Variants in ESRRG observed in about 807,000 individuals in gnomAD.
ESRRG encodes the protein estrogen-related receptor gamma.
ESRRG carries 13 observed loss-of-function variants against 44.0 expected under a neutral mutation model. That is an observed-to-expected ratio of 0.30 (90% confidence interval 0.19 to 0.47). The LOEUF (loss-of-function observed/expected upper bound fraction) is 0.47, where lower values mean the gene tolerates loss of function less well. ESRRG is among the 20% of genes least tolerant of loss of function. ESRRG has a pLI of 1.00. For missense variants in ESRRG, 395 were observed against 580.6 expected (o/e 0.68, Z 3.29); for synonymous variants, 215 against 214.6 (o/e 1.00, Z -0.02).
rs919703833 is a variant in ESRRG, at chr1:216,861,924, T to C, written c.-14+77658A>G. ...TTCAACAAGGAAGATATATGAATGA[T>C]AAATGAGCACATGAAAGATGCTCAA... On this transcript the variant is annotated intron_variant, in intron 2 of 7. Coordinates refer to the ESRRG transcript ENST00000359162. Among the ~76,000 whole-genome samples the C allele has an allele frequency of 6.6e-5, 10 of 152,164 alleles. 1 individual carries two copies. Among genetic ancestry groups the C allele is most frequent in the South Asian group, 6.2e-4 (3 of 4,838 alleles).
intron 3 of ESRRG, among the ~76,000 whole-genome samples, chr1:216,623,816 C>T (rs557295889): frequency 2.0e-5 from 3 of 151,992 alleles, no homozygotes; most frequent in Admixed American, 6.6e-5. Context: ...AAGGAAAATG[C>T]CCATGTGTGT....
At chr1:216,809,759 A>T (rs2094911346) in intron 2 of ESRRG, among the ~76,000 whole-genome samples, 1 of 152,092 alleles carries the variant, frequency 6.6e-6, no homozygotes, top group Non-Finnish European at 1.5e-5. Flanking sequence ...CTTACTGCAG[A>T]CGTAAGGGTA....
intron 2 of ESRRG, among the ~76,000 whole-genome samples, chr1:216,818,100 C>T (rs190690092): frequency 6.9e-4 from 105 of 152,146 alleles, no homozygotes; most frequent in Non-Finnish European, 1.2e-3. Flanking sequence ...TCAAATGAAA[C>T]AATAGCATTT....
intron 1 of ESRRG, among the ~76,000 whole-genome samples, chr1:216,998,254 T>C (rs144675449): frequency 8.5e-5 from 13 of 152,328 alleles, no homozygotes; most frequent in African/African-American, 3.1e-4. Flanking sequence ...ATGTTTTATC[T>C]GAAAATAGAT....
rs778920649 is a variant in ESRRG, at chr1:216,599,833, AAAAG to A, written c.590-31739_590-31736del. The stretch of plus-strand genomic sequence containing the variant: ...GAGGAGAATTAACAGGAAAAAAAAA[AAAAG>A]AAAGAGAAGAAAAAGGTACCCTATG... On this transcript the variant is annotated intron_variant, in intron 3 of 6. Coordinates refer to ENST00000408911, the MANE Select transcript of ESRRG (RefSeq NM_001438.4). 1.6e-4 allele frequency among the ~76,000 whole-genome samples: 25 copies of A among 152,172 alleles called. 1 individual carries two copies. The East Asian group carries it at 2.7e-3, about 16-fold the overall frequency.
chr1:216,861,779 T>A (rs1408662331), intron 2 of ESRRG, among the ~76,000 whole-genome samples: 1 of 151,982 alleles, frequency 6.6e-6, no homozygotes, highest in Non-Finnish European at 1.5e-5. Context: ...GCAGAATATA[T>A]TGCAAATCAT....
At chr1:216,774,641 C>T (rs1013344262) in intron 2 of ESRRG, among the ~76,000 whole-genome samples, 1 of 151,986 alleles carries the variant, frequency 6.6e-6, no homozygotes, top group Admixed American at 6.6e-5. Context: ...ACAAAAAATC[C>T]TTATAACATA....
At chr1:216,955,495 A>G (rs1024936754) in intron 1 of ESRRG, among the ~76,000 whole-genome samples, 2 of 152,184 alleles carry the variant, frequency 1.3e-5, no homozygotes, top group Admixed American at 6.5e-5. Flanking sequence ...TAGTGTTGCA[A>G]TAAACATAAG....
At chr1:217,052,152 C>A (rs1031652498) in intron 1 of ESRRG, among the ~76,000 whole-genome samples, 1 of 152,074 alleles carries the variant, frequency 6.6e-6, no homozygotes, top group Non-Finnish European at 1.5e-5. Flanking sequence ...ATAAAGTACT[C>A]GATCAGAATG....
chr1:216,616,170 G>T (rs1481579218), intron 3 of ESRRG, among the ~76,000 whole-genome samples: 1 of 152,132 alleles, frequency 6.6e-6, no homozygotes, highest in African/African-American at 2.4e-5. Context: ...GGGTCCACTG[G>T]ATCCTGGCTG....
intron 2 of ESRRG, among the ~76,000 whole-genome samples, chr1:216,859,278 A>G (rs183318919): frequency 6.6e-6 from 1 of 152,320 alleles, no homozygotes; most frequent in East Asian, 1.9e-4. Flanking sequence ...GGTAAGACCT[A>G]TGATCATCTC....
chr1:216,618,056 T>C (rs2061662441), intron 3 of ESRRG, among the ~76,000 whole-genome samples: 1 of 152,244 alleles, frequency 6.6e-6, no homozygotes, highest in African/African-American at 2.4e-5. Context: ...AAAAATTCAT[T>C]GAAGTACTTA....
intron 1 of ESRRG, among the ~76,000 whole-genome samples, chr1:217,136,326 G>A (rs2093048918): frequency 6.6e-6 from 1 of 152,224 alleles, no homozygotes; most frequent in South Asian, 2.1e-4. Context: ...AGATGGAAGT[G>A]CGAAAGGTGA....
At chr1:216,942,692 T>C (rs1289022603) in intron 1 of ESRRG, among the ~76,000 whole-genome samples, 4 of 152,208 alleles carry the variant, frequency 2.6e-5, no homozygotes, top group African/African-American at 9.6e-5. Flanking sequence ...CATATGTTTG[T>C]TGGTCACTTG....
intron 2 of ESRRG, among the ~76,000 whole-genome samples, chr1:216,747,891 T>C (rs2091591488): frequency 6.6e-6 from 1 of 152,206 alleles, no homozygotes; most frequent in African/African-American, 2.4e-5. Context: ...CTCCCTCATT[T>C]TGCCTATAAT....
chr1:216,970,933 C>T (rs1028223517), intron 1 of ESRRG, among the ~76,000 whole-genome samples: 2 of 152,100 alleles, frequency 1.3e-5, no homozygotes, highest in Non-Finnish European at 2.9e-5. Flanking sequence ...GACCCAGGCA[C>T]AGAGAATAAA....
At chr1:217,070,523 G>A (rs13373764) in intron 1 of ESRRG, among the ~76,000 whole-genome samples, 1 of 152,036 alleles carries the variant, frequency 6.6e-6, no homozygotes, top group Non-Finnish European at 1.5e-5. Flanking sequence ...TGGGATTATA[G>A]GCATGTGCCA....
At chr1:216,996,938 A>G (rs1433358730) in intron 1 of ESRRG, among the ~76,000 whole-genome samples, 1 of 152,192 alleles carries the variant, frequency 6.6e-6, no homozygotes, top group Non-Finnish European at 1.5e-5. Context: ...CACAGGCTAC[A>G]TAATCTGTGA....
At chr1:216,816,823 T>C (rs961075850) in intron 2 of ESRRG, among the ~76,000 whole-genome samples, 2 of 152,158 alleles carry the variant, frequency 1.3e-5, no homozygotes, top group African/African-American at 4.8e-5. Context: ...ACATTGAAGA[T>C]TTGCTAATAA....
Sources: allele counts gnomAD v4.1 joint callset (sites outside exome capture counted in the v4.1 genomes callset), GRCh38; gene constraint gnomAD v4.1.1; transcripts MANE v1.5; gene names NCBI Gene and HGNC (gene_info 2026-07-23, HGNC 2026-07-21).